ROBO1: variants seen among roughly 807,000 people sequenced by gnomAD.
The protein encoded by ROBO1 is roundabout guidance receptor 1, also known as roundabout homolog 1.
ROBO1 carries 149 observed loss-of-function variants against 195.9 expected under a neutral mutation model. The observed-to-expected ratio is 0.76, with a 90% CI of 0.67 to 0.87. The LOEUF (loss-of-function observed/expected upper bound fraction) is 0.87. Among genes scored for constraint, ROBO1 ranks in the 40% least tolerant of loss-of-function variants. The pLI, the probability that ROBO1 is intolerant of heterozygous loss-of-function variation, is 0.00. For synonymous variants in ROBO1, 816 were observed against 733.2 expected, an observed-to-expected ratio of 1.11 and a Z score of -1.82; for missense variants, 1,933 against 2,068.3, an observed-to-expected ratio of 0.93 and a Z score of 1.27.
intron 4 of ROBO1, among the ~76,000 whole-genome samples, chr3:78,857,843 T>C (rs747895694): frequency 1.6e-4 from 24 of 152,186 alleles, no homozygotes; most frequent in Non-Finnish European, 3.4e-4. Flanking sequence ...GGCCTTTGGT[T>C]AAGGGCGACC....
intron 3 of ROBO1, among the ~76,000 whole-genome samples, chr3:79,079,394 A>C (rs2079230621): frequency 6.6e-6 from 1 of 151,834 alleles, no homozygotes; most frequent in Admixed American, 6.6e-5. Flanking sequence ...TATTTTCTAA[A>C]GAAATGATAA....
At chr3:78,720,328 C>T (rs1242208863) in intron 5 of ROBO1, among the ~76,000 whole-genome samples, 1 of 152,162 alleles carries the variant, frequency 6.6e-6, no homozygotes, top group African/African-American at 2.4e-5. Flanking sequence ...ATGCAGCCAA[C>T]AGACACATGA....
intron 2 of ROBO1, among the ~76,000 whole-genome samples, chr3:79,528,893 G>A (rs542462936): frequency 2.0e-5 from 3 of 152,234 alleles, no homozygotes; most frequent in Non-Finnish European, 2.9e-5. Context: ...AGAAGATTCC[G>A]TGTTTAAAGA....
At chr3:78,855,304 G>T (rs2034345937) in intron 4 of ROBO1, among the ~76,000 whole-genome samples, 1 of 152,106 alleles carries the variant, frequency 6.6e-6, no homozygotes, top group Admixed American at 6.6e-5. Context: ...TAGCATTCTG[G>T]TTCACATACT....
At chr3:78,675,158 C>T (rs866396980) in intron 10 of ROBO1, among the ~76,000 whole-genome samples, 8 of 148,762 alleles carry the variant, frequency 5.4e-5, no homozygotes, top group South Asian at 2.1e-4. Flanking sequence ...TTCATCCACT[C>T]ATTAAAAAAA....
At chr3:79,670,885 T>C (rs1946613319) in intron 1 of ROBO1, among the ~76,000 whole-genome samples, 1 of 151,834 alleles carries the variant, frequency 6.6e-6, no homozygotes, top group Non-Finnish European at 1.5e-5. Flanking sequence ...ACTATGTTGA[T>C]TCTATAATTC....
intron 2 of ROBO1, among the ~76,000 whole-genome samples, chr3:79,328,266 T>A (rs1052793793): frequency 4.6e-5 from 7 of 152,174 alleles, no homozygotes; most frequent in Admixed American, 6.5e-5. Context: ...TTAACGCACA[T>A]AAACTCCCTC....
At chr3:79,208,610 C>T (rs565841994) in intron 2 of ROBO1, among the ~76,000 whole-genome samples, 1 of 151,528 alleles carries the variant, frequency 6.6e-6, no homozygotes, top group South Asian at 2.1e-4. Flanking sequence ...TATGCAAAGG[C>T]TAAAAGCAAA....
chr3:79,699,283 A>T (rs561564444), intron 1 of ROBO1, among the ~76,000 whole-genome samples: 6 of 151,392 alleles, frequency 4.0e-5, no homozygotes, highest in African/African-American at 1.4e-4. Context: ...TTTTTCTGAG[A>T]TTCCATGATA....
At chr3:78,930,191 G>T (rs934108189) in intron 4 of ROBO1, among the ~76,000 whole-genome samples, 1 of 152,176 alleles carries the variant, frequency 6.6e-6, no homozygotes, top group African/African-American at 2.4e-5. Context: ...AGGTAGATTA[G>T]ACTGCTCCTT....
At chr3:79,610,261 G>A (rs1944616525) in intron 1 of ROBO1, among the ~76,000 whole-genome samples, 1 of 151,696 alleles carries the variant, frequency 6.6e-6, no homozygotes, top group Non-Finnish European at 1.5e-5. Context: ...ACATATCTAT[G>A]ATGACTTTAA....
At chr3:78,970,951 A>G (rs2076751761) in intron 3 of ROBO1, among the ~76,000 whole-genome samples, 1 of 152,076 alleles carries the variant, frequency 6.6e-6, no homozygotes, top group South Asian at 2.1e-4. Context: ...AAGTCACTGT[A>G]TCCTCATATG....
At chr3:78,891,447 A>T (rs1170234609) in intron 4 of ROBO1, among the ~76,000 whole-genome samples, 2 of 152,202 alleles carry the variant, frequency 1.3e-5, no homozygotes, top group Non-Finnish European at 2.9e-5. Flanking sequence ...AGTAAAAAAG[A>T]ATGATGACAC....
intron 2 of ROBO1, among the ~76,000 whole-genome samples, chr3:79,300,743 G>A (rs1036556278): frequency 1.3e-5 from 2 of 152,150 alleles, no homozygotes; most frequent in African/African-American, 2.4e-5. Context: ...ACACCAATCG[G>A]CACTCTGTAT....
intron 2 of ROBO1, among the ~76,000 whole-genome samples, chr3:79,185,884 T>C (rs1275046955): frequency 6.6e-6 from 1 of 152,180 alleles, no homozygotes; most frequent in African/African-American, 2.4e-5. Context: ...TATATCTCTG[T>C]GTATTTATAT....
chr3:79,666,938 C>A lies in ROBO1; in HGVS notation c.-50-76977G>T, dbSNP rs552000713. Among the ~76,000 whole-genome samples the A allele has an allele frequency of 9.5e-4, 144 of 152,010 alleles. 1 individual carries two copies. The highest frequency in any genetic ancestry group is 1.6e-3 in the Non-Finnish European group (110 of 67,904). ...ATTTATACTCTCAAAAATATCTGTT[C>A]TAGAGTCTAGATGACTGGATCTCTT... On this transcript the variant is annotated intron_variant, in intron 1 of 30. Transcript: ENST00000464233.
At chr3:78,876,463 A>C (rs1303513707) in intron 4 of ROBO1, among the ~76,000 whole-genome samples, 4 of 152,178 alleles carry the variant, frequency 2.6e-5, no homozygotes, top group Admixed American at 1.3e-4. Flanking sequence ...TTAAGGTAGT[A>C]AAAAATTTAG....
intron 3 of ROBO1, among the ~76,000 whole-genome samples, chr3:79,118,139 A>G (rs1478018105): frequency 6.6e-6 from 1 of 152,040 alleles, no homozygotes; most frequent in African/African-American, 2.4e-5. Flanking sequence ...GAGTCTTACT[A>G]GGTTAGTAGA....
intron 2 of ROBO1, among the ~76,000 whole-genome samples, chr3:79,554,942 T>C (rs779161555): frequency 3.3e-5 from 5 of 152,040 alleles, no homozygotes; most frequent in Non-Finnish European, 7.4e-5. Context: ...TTGTTGAAAA[T>C]GTCTAAGAGC....
Sources: gnomAD v4.1 joint callset for allele counts (sites outside exome capture counted in the v4.1 genomes callset) on GRCh38, gnomAD v4.1.1 for gene constraint, MANE v1.5 for transcripts, NCBI Gene and HGNC (gene_info 2026-07-23, HGNC 2026-07-21) for gene names.